Variants in KCMF1 observed in about 807,000 individuals in gnomAD.
The protein encoded by KCMF1 is potassium channel modulatory factor 1.
KCMF1 carries 3 observed loss-of-function variants against 41.1 expected under a neutral mutation model. The ratio of observed to expected loss-of-function variants is 0.07; its 90% CI spans 0.03 to 0.19. The LOEUF is 0.19. KCMF1 is among the 10% of genes least tolerant of loss of function. KCMF1 has a pLI of 1.00. For missense variants in KCMF1, 286 were observed against 488.9 expected (o/e 0.58, Z 3.91); for synonymous variants, 142 against 164.5 (o/e 0.86, Z 1.04).
At chr2:84,994,211 G>A (rs142932334) in intron 1 of KCMF1, among the ~76,000 whole-genome samples, 2,319 of 152,166 alleles carry the variant, frequency 0.015, 61 homozygotes, top group African/African-American at 0.052. Context: ...GCCTCCCAAA[G>A]TGCTGGGATT....
At chr2:84,980,548 G>A (rs923957162) in intron 1 of KCMF1, among the ~76,000 whole-genome samples, 1 of 152,168 alleles carries the variant, frequency 6.6e-6, no homozygotes, top group African/African-American at 2.4e-5. Flanking sequence ...GTAACTGCCT[G>A]TAGAATTGTT....
At position 85,054,100 on chromosome 2, in the gene KCMF1, A is replaced by G. The variant is rs950926356; in HGVS notation, c.*691A>G. The G allele has an allele frequency of 6.6e-6, 1 of 152,270 alleles. No homozygotes were observed. The highest frequency in any genetic ancestry group is 1.5e-5 in the Non-Finnish European group (1 of 68,060). 9.4% of individuals were successfully genotyped at this position (152,270 alleles called of 1,614,324 possible). A position where few individuals can be genotyped will look rare whatever the true frequency, so the allele number is the denominator to read the frequency against. On this transcript the variant is annotated 3_prime_UTR_variant, in exon 7 of 7. Transcript: ENST00000409785. ...CCTGTCTCTTTAACTCATCTGTAGAAGACACACCAGTAAAGCTACTGTTGG... is the reference window on the plus strand; with the variant it reads ...CCTGTCTCTTTAACTCATCTGTAGAGGACACACCAGTAAAGCTACTGTTGG...
chr2:85,036,036 G>C (rs748246631), intron 3 of KCMF1, among the ~76,000 whole-genome samples: 1 of 152,186 alleles, frequency 6.6e-6, no homozygotes, highest in Non-Finnish European at 1.5e-5. Flanking sequence ...GCAGGTGTTT[G>C]GACTCAGCTA....
chr2:84,993,590 T>TATTTATTC (rs70953918), intron 1 of KCMF1, among the ~76,000 whole-genome samples: 1 of 151,796 alleles, frequency 6.6e-6, no homozygotes, highest in African/African-American at 2.4e-5. Flanking sequence ...TTTATTTATT[T>TATTTATTC]TTGAGATGCA....
chr2:85,054,966 C>A lies in KCMF1; in HGVS notation c.*1557C>A, dbSNP rs1201786425. ...CCAAATGTAACCAAAAAAGAAGTCA[C>A]CCTACATGTCTGAAAAACTGTTGCT... On this transcript the variant is annotated 3_prime_UTR_variant, in exon 7 of 7. Coordinates refer to ENST00000409785, the MANE Select transcript of KCMF1 (RefSeq NM_020122.5). 1.3e-5 allele frequency: 2 copies of A among 152,154 alleles called. No individual in the cohort carries two copies. Among genetic ancestry groups the A allele is most frequent in the East Asian group, 3.9e-4 (2 of 5,194 alleles). 9.4% of individuals were successfully genotyped at this position (152,154 alleles called of 1,614,324 possible). A position where few individuals can be genotyped will look rare whatever the true frequency, so the allele number is the denominator to read the frequency against.
At chr2:85,050,230 T>TA (rs1227150740) in intron 6 of KCMF1, among the ~76,000 whole-genome samples, 1 of 152,224 alleles carries the variant, frequency 6.6e-6, no homozygotes, top group African/African-American at 2.4e-5. Flanking sequence ...CCATAAAACT[T>TA]AAACACTATA....
intron 1 of KCMF1, among the ~76,000 whole-genome samples, chr2:84,990,720 A>T (rs1424283233): frequency 1.3e-5 from 2 of 151,958 alleles, no homozygotes; most frequent in Non-Finnish European, 2.9e-5. Flanking sequence ...TTTAGAAAGG[A>T]TGATCAGGGA....
At chr2:84,996,742 C>T (rs764144175) in intron 1 of KCMF1, among the ~76,000 whole-genome samples, 2 of 152,026 alleles carry the variant, frequency 1.3e-5, no homozygotes, top group Non-Finnish European at 2.9e-5. Flanking sequence ...CTGGCCTAAC[C>T]TAAAAGTCTC....
chr2:85,013,106 T>G (rs933279268), intron 1 of KCMF1, among the ~76,000 whole-genome samples: 1 of 152,220 alleles, frequency 6.6e-6, no homozygotes, highest in South Asian at 2.1e-4. Flanking sequence ...ATCATTTTCA[T>G]ATGTTTGGCT....
chr2:85,049,489 A>G lies in KCMF1; in HGVS notation c.725A>G (p.Gln242Arg), dbSNP rs944341233. 13 of 1,613,948 alleles carry G rather than the reference A, an allele frequency of 8.1e-6. No individual in the cohort carries two copies. The highest frequency in any genetic ancestry group is 1.3e-5 in the African/African-American group (1 of 74,954). ...MQLQLERQHAQAARQQLETAR... is the reference protein window; with the variant it reads ...MQLQLERQHARAARQQLETAR... Reference sequence around the variant, plus strand: ...CTGCAGCTAGAACGGCAGCATGCCCAGGCAGCACGGCAACAACTGGAGACC... The same window carrying G: ...CTGCAGCTAGAACGGCAGCATGCCCGGGCAGCACGGCAACAACTGGAGACC... Residue 242 changes from glutamine (Q) to arginine (R), a missense_variant, in exon 6 of 7, where the codon CAG becomes CGG. By Grantham distance (43) the Gln-to-Arg change is conservative (BLOSUM62 1). Coordinates refer to ENST00000409785, the MANE Select transcript of KCMF1 (RefSeq NM_020122.5).
At chr2:85,033,123 A>G (rs1675316547) in intron 2 of KCMF1, among the ~76,000 whole-genome samples, 1 of 152,160 alleles carries the variant, frequency 6.6e-6, no homozygotes, top group South Asian at 2.1e-4. Flanking sequence ...AATTCACCTA[A>G]CAAGTCTTGT....
intron 1 of KCMF1, among the ~76,000 whole-genome samples, chr2:84,994,240 G>A (rs988470653): frequency 6.6e-6 from 1 of 151,978 alleles, no homozygotes; most frequent in Admixed American, 6.6e-5. Context: ...GAGCCACCGC[G>A]CCCGGCCAAG....
rs374991337 is a variant in KCMF1 at position 85,053,431 on chromosome 2, A to G, written c.*22A>G. On this transcript the variant is annotated 3_prime_UTR_variant, in exon 7 of 7. Coordinates refer to ENST00000409785, the MANE Select transcript of KCMF1 (RefSeq NM_020122.5). ...TTGATGACATCCCAATTCGCAGACA[A>G]TGTCCTCTGTGCTGTATTTGCCAAT... The G allele has an allele frequency of 1.1e-5, 17 of 1,603,988 alleles. No individual in the cohort carries two copies. In the East Asian group the frequency reaches 1.1e-4, roughly 11 times the overall value.
intron 3 of KCMF1, among the ~76,000 whole-genome samples, chr2:85,041,524 G>T (rs1675535063): frequency 6.6e-6 from 1 of 152,128 alleles, no homozygotes; most frequent in Non-Finnish European, 1.5e-5. Flanking sequence ...GACAGCTCAA[G>T]TTGTTTATAG....
At chr2:84,992,647 T>G (rs1674070435) in intron 1 of KCMF1, among the ~76,000 whole-genome samples, 1 of 151,944 alleles carries the variant, frequency 6.6e-6, no homozygotes, top group African/African-American at 2.4e-5. Context: ...TTTGTTTTTT[T>G]CTTGAGACGG....
chr2:85,001,364 G>A (rs1674325114), intron 1 of KCMF1, among the ~76,000 whole-genome samples: 1 of 151,690 alleles, frequency 6.6e-6, no homozygotes, highest in African/African-American at 2.4e-5. Context: ...TCACCATGTT[G>A]GCCAGGCTGG....
rs1420984133 is a variant in KCMF1 at position 84,971,541 on chromosome 2, G to A, written c.16+74G>A. Reference sequence around the variant, plus strand: ...CCCGCCCGGGCCGGGCGCGGCGGAGGGCGGCCGGGAAGCGGCGGAGACTTT... The same window carrying A: ...CCCGCCCGGGCCGGGCGCGGCGGAGAGCGGCCGGGAAGCGGCGGAGACTTT... On this transcript the variant is annotated intron_variant, in intron 1 of 6. Coordinates refer to ENST00000409785, the MANE Select transcript of KCMF1 (RefSeq NM_020122.5). 58 of 887,340 alleles carry A rather than the reference G, an allele frequency of 6.5e-5. No homozygotes were observed. In the Admixed American group the frequency reaches 7.8e-4, roughly 12 times the overall value. 55.0% of individuals were successfully genotyped at this position (887,340 alleles called of 1,614,324 possible). A position where few individuals can be genotyped will look rare whatever the true frequency, so the allele number is the denominator to read the frequency against.
Position 85,057,772 on chromosome 2 carries a change from T to C in KCMF1, c.*4363T>C, listed in dbSNP as rs1027109336. The C allele has an allele frequency of 8.5e-5, 13 of 152,218 alleles. No individual in the cohort carries two copies. Among genetic ancestry groups the C allele is most frequent in the Middle Eastern group, 3.2e-3 (1 of 314 alleles). 9.4% of individuals were successfully genotyped at this position (152,218 alleles called of 1,614,324 possible). ...CAGCAGACCTCGAATAAAATGTGACTTGATGTTTGTTGCCACTTCCTCAAC... is the reference window on the plus strand; with the variant it reads ...CAGCAGACCTCGAATAAAATGTGACCTGATGTTTGTTGCCACTTCCTCAAC... On this transcript the variant is annotated 3_prime_UTR_variant, in exon 7 of 7. Coordinates refer to ENST00000409785, the MANE Select transcript of KCMF1 (RefSeq NM_020122.5).
At chr2:85,004,924 C>T (rs1674429338) in intron 1 of KCMF1, among the ~76,000 whole-genome samples, 1 of 151,992 alleles carries the variant, frequency 6.6e-6, no homozygotes, top group South Asian at 2.1e-4. Flanking sequence ...CAACCTCCGC[C>T]TCCCGGATTC....
Sources: gnomAD v4.1 joint callset for allele counts (sites outside exome capture counted in the v4.1 genomes callset) on GRCh38, gnomAD v4.1.1 for gene constraint, MANE v1.5 for transcripts, NCBI Gene and HGNC (gene_info 2026-07-23, HGNC 2026-07-21) for gene names.